DYRK4: variants seen among roughly 807,000 people sequenced by gnomAD.
DYRK4 encodes the protein dual specificity tyrosine-phosphorylation-regulated kinase 4.
Under a neutral mutation model 68.3 loss-of-function variants are expected in DYRK4, and 64 were observed. The observed-to-expected ratio is 0.94, with a 90% CI of 0.77 to 1.15. The LOEUF is 1.15. Ranked by LOEUF, DYRK4 falls within the 50% of genes most tolerant of loss-of-function variation. The pLI is 0.00. For missense variants in DYRK4, 740 were observed against 764.7 expected (o/e 0.97, Z 0.38); for synonymous variants, 274 against 289.9 (o/e 0.95, Z 0.56).
At chr12:4,607,484 A>C in intron 12 of DYRK4, 97 bp downstream of exon 12, 4 of 1,345,710 alleles carry the variant, frequency 3.0e-6, no homozygotes, top group Non-Finnish European at 4.2e-6. Context: ...CACATACCAA[A>C]GGGCTGTGAT....
intron 2 of DYRK4, among the ~76,000 whole-genome samples, chr12:4,582,443 AAAATGAAATG>A (rs1944852892): frequency 6.6e-6 from 1 of 151,786 alleles, no homozygotes; most frequent in Non-Finnish European, 1.5e-5. Flanking sequence ...CATCTCAAAT[AAAATGAAATG>A]AAATGAGATG....
chr12:4,585,588 T>G (rs552983178), intron 2 of DYRK4, among the ~76,000 whole-genome samples: 14 of 149,084 alleles, frequency 9.4e-5, no homozygotes, highest in Admixed American at 4.7e-4. Flanking sequence ...TGAGAACACA[T>G]GGACACAGGA....
chr12:4,606,138 A>G (rs1945147218), intron 11 of DYRK4, among the ~76,000 whole-genome samples: 1 of 152,262 alleles, frequency 6.6e-6, no homozygotes, highest in African/African-American at 2.4e-5. Flanking sequence ...ATTATTAATT[A>G]TATCTATTAT....
chr12:4,595,646 G>T (rs777573252), intron 6 of DYRK4, among the ~76,000 whole-genome samples: 4 of 152,114 alleles, frequency 2.6e-5, no homozygotes, highest in Non-Finnish European at 5.9e-5. Flanking sequence ...CCAGGAAGAG[G>T]CAGAGAGGAG....
At chr12:4,586,654 C>A (rs1268976943) in intron 2 of DYRK4, among the ~76,000 whole-genome samples, 1 of 151,598 alleles carries the variant, frequency 6.6e-6, no homozygotes, top group Non-Finnish European at 1.5e-5. Flanking sequence ...TAGAGGCCAC[C>A]AGTCCTCGGG....
intron 2 of DYRK4, among the ~76,000 whole-genome samples, chr12:4,576,261 T>C (rs12371239): frequency 0.014 from 2,152 of 152,338 alleles, 26 homozygotes; most frequent in Middle Eastern, 0.027. Context: ...TATTGTATAG[T>C]TGGAATCATG....
At chr12:4,607,904 T>C (rs549465725) in intron 12 of DYRK4, among the ~76,000 whole-genome samples, 1 of 152,338 alleles carries the variant, frequency 6.6e-6, no homozygotes, top group South Asian at 2.1e-4. Context: ...CTTTGATGTG[T>C]TGTGGCTGGT....
chr12:4,595,039 GAC>G (rs1390700743), intron 6 of DYRK4, among the ~76,000 whole-genome samples: 3 of 152,204 alleles, frequency 2.0e-5, no homozygotes, highest in Non-Finnish European at 4.4e-5. Context: ...GAACAATTAT[GAC>G]ACAAAGTGGT....
chr12:4,567,358 T>A (rs1270442164), intron 1 of DYRK4: 1 of 152,362 alleles, frequency 6.6e-6, no homozygotes, highest in Non-Finnish European at 1.5e-5. Context: ...CGGTTTCAGC[T>A]GTACTCTGCT....
chr12:4,599,483 A>G (rs1945057111), intron 9 of DYRK4: 8 of 565,722 alleles, frequency 1.4e-5, no homozygotes, highest in Non-Finnish European at 2.2e-5. Context: ...TATGCAAAAG[A>G]AACTGTGCAA....
At chr12:4,566,538 A>G (rs542219866) in intron 1 of DYRK4, among the ~76,000 whole-genome samples, 1 of 152,226 alleles carries the variant, frequency 6.6e-6, no homozygotes, top group Non-Finnish European at 1.5e-5. Context: ...ACCTGGAAAC[A>G]TGCTCTGGGA....
intron 6 of DYRK4, 32 bp downstream of exon 6, chr12:4,593,197 G>C: frequency 6.2e-7 from 1 of 1,608,182 alleles, no homozygotes; most frequent in Non-Finnish European, 8.5e-7. Flanking sequence ...GGAACCTGCA[G>C]GGGCCCAGGG....
rs1271017665 is a variant in DYRK4 at position 4,568,542 on chromosome 12, C to T, written c.132+494C>T. On this transcript the variant is annotated intron_variant, in intron 2 of 14. Coordinates refer to ENST00000543431, the MANE Select transcript of DYRK4 (RefSeq NM_001394779.1). Reference sequence around the variant, plus strand: ...CTGGGATTACAAGCATGCACCACCACGGCTGGCTAATTTTTGTATTTTTAG... The same window carrying T: ...CTGGGATTACAAGCATGCACCACCATGGCTGGCTAATTTTTGTATTTTTAG... 5.3e-5 allele frequency among the ~76,000 whole-genome samples: 8 copies of T among 152,092 alleles called. No homozygotes were observed. The South Asian group carries it at 8.3e-4, about 16-fold the overall frequency.
At chr12:4,603,025 T>A in intron 10 of DYRK4, 1 of 967,560 alleles carries the variant, frequency 1.0e-6, no homozygotes, top group African/African-American at 1.6e-5. Context: ...TGTTAGCTTG[T>A]ACAATTTTCT....
intron 6 of DYRK4, among the ~76,000 whole-genome samples, chr12:4,594,709 C>CTTTTTT (rs57307639): frequency 6.8e-6 from 1 of 146,324 alleles, no homozygotes; most frequent in Non-Finnish European, 1.5e-5. Context: ...TTAGAAAAGC[C>CTTTTTT]TTTTTTTTTT....
In DYRK4 at chr12:4,598,929, C is replaced by A. The variant is rs934614635; in HGVS notation, c.906-99C>A. On this transcript the variant is annotated intron_variant, in intron 8 of 14. Coordinates refer to ENST00000543431, the MANE Select transcript of DYRK4 (RefSeq NM_001394779.1). ...CTCCTGGCCTGAGGCTTGCCTGCTA[C>A]TAGACGGAAACCAGGTGATACAAGA... The A allele has an allele frequency of 1.2e-5, 17 of 1,404,982 alleles. 1 individual carries two copies. Among genetic ancestry groups the A allele is most frequent in the Non-Finnish European group, 1.6e-5 (16 of 1,015,824 alleles). 87.0% of individuals were successfully genotyped at this position (1,404,982 alleles called of 1,614,324 possible).
intron 12 of DYRK4, among the ~76,000 whole-genome samples, chr12:4,609,327 A>G (rs77159100): frequency 0.11 from 16,382 of 152,264 alleles, 1,222 homozygotes; most frequent in Admixed American, 0.17. Context: ...ATTCTCTTCT[A>G]TAAGCTATGC....
chr12:4,581,169 G>C (rs1944838321), intron 2 of DYRK4, among the ~76,000 whole-genome samples: 1 of 152,160 alleles, frequency 6.6e-6, no homozygotes, highest in African/African-American at 2.4e-5. Flanking sequence ...GCCTGTGCTT[G>C]CTGGGGGTCA....
chr12:4,591,043 C>G lies in DYRK4; in HGVS notation c.325-117C>G, dbSNP rs532237220. On this transcript the variant is annotated intron_variant, in intron 4 of 14. Coordinates refer to ENST00000543431, the MANE Select transcript of DYRK4 (RefSeq NM_001394779.1). This position sits in a 1 kb window ranked among gnomAD's most constrained non-coding sequence, Gnocchi z 4.1. ...CTGTCTCTTAATCGCTGTTTTCTCCCTGGAGAGGTAGGTAAAGAGCCTGGC... is the reference window on the plus strand; with the variant it reads ...CTGTCTCTTAATCGCTGTTTTCTCCGTGGAGAGGTAGGTAAAGAGCCTGGC... 1.6e-6 allele frequency: 2 copies of G among 1,243,380 alleles called. No homozygotes were observed. The highest frequency in any genetic ancestry group is 2.2e-6 in the Non-Finnish European group (2 of 898,656). The allele number at this position is 1,243,380 out of a possible 1,614,324, so 77.0% of individuals were successfully genotyped here. A position where few individuals can be genotyped will look rare whatever the true frequency, so the allele number is the denominator to read the frequency against.
Sources: allele counts gnomAD v4.1 joint callset (sites outside exome capture counted in the v4.1 genomes callset), GRCh38; gene constraint gnomAD v4.1.1; non-coding constraint Gnocchi (gnomAD v3.1); transcripts MANE v1.5; gene names NCBI Gene and HGNC (gene_info 2026-07-23, HGNC 2026-07-21).